ADAM28: variants seen among roughly 807,000 people sequenced by gnomAD.
ADAM28 encodes the protein ADAM metallopeptidase domain 28, also known as disintegrin and metalloproteinase domain-containing protein 28.
A neutral mutation model predicts 101.2 loss-of-function variants in ADAM28; 105 were observed. The observed-to-expected ratio is 1.04, with a 90% CI of 0.89 to 1.22. ADAM28 has a LOEUF of 1.22. ADAM28 is among the 50% of genes most tolerant of loss of function. ADAM28 has a pLI of 0.00. For synonymous variants in ADAM28, 322 were observed against 310.6 expected, an observed-to-expected ratio of 1.04 and a Z score of -0.39; for missense variants, 1,028 against 945.4, an observed-to-expected ratio of 1.09 and a Z score of -1.15.
chr8:24,354,226 C>G (rs6557730), intron 22 of ADAM28, among the ~76,000 whole-genome samples, 158 bp from the exon 23 acceptor site: 9 of 151,996 alleles, frequency 5.9e-5, no homozygotes, highest in Admixed American at 2.6e-4. Context: ...CCTTCCTATC[C>G]TCTCACATTT....
intron 3 of ADAM28, 27 bp from the exon 4 acceptor site, chr8:24,310,136 A>C: frequency 6.2e-7 from 1 of 1,609,362 alleles, no homozygotes; most frequent in Non-Finnish European, 8.5e-7. Flanking sequence ...ACAAGTAACC[A>C]CAACATTTTT....
At chr8:24,353,967 G>T in intron 22 of ADAM28, 135 bp downstream of exon 22, 1 of 568,178 alleles carries the variant, frequency 1.8e-6, no homozygotes, top group Non-Finnish European at 3.1e-6. Flanking sequence ...GTGCCAACAT[G>T]AAAGTCTTAT....
chr8:24,329,406 T>C (rs117965513), intron 10 of ADAM28, among the ~76,000 whole-genome samples: 25 of 152,310 alleles, frequency 1.6e-4, no homozygotes, highest in Non-Finnish European at 3.2e-4. Context: ...CTGGATAATT[T>C]ATAGCTGCAA....
chr8:24,343,868 TAGC>T (rs1815091355), intron 18 of ADAM28, among the ~76,000 whole-genome samples: 1 of 152,226 alleles, frequency 6.6e-6, no homozygotes, highest in African/African-American at 2.4e-5. Flanking sequence ...TCCATTTTCA[TAGC>T]AGCCTCAAGT....
At chr8:24,352,600 AG>A (rs1417497632) in intron 21 of ADAM28, among the ~76,000 whole-genome samples, 1 of 152,184 alleles carries the variant, frequency 6.6e-6, no homozygotes, top group Non-Finnish European at 1.5e-5. Flanking sequence ...TCTGGGGATT[AG>A]GGTTTCAACA....
At chr8:24,294,839 A>G (rs1423302612) in intron 1 of ADAM28, among the ~76,000 whole-genome samples, 1 of 152,210 alleles carries the variant, frequency 6.6e-6, no homozygotes, top group Non-Finnish European at 1.5e-5. Context: ...CTACTTCCTA[A>G]CAGGAAATTA....
At chr8:24,342,974 C>T (rs1336159752) in intron 16 of ADAM28, 127 bp from the exon 17 acceptor site, 1 of 1,480,948 alleles carries the variant, frequency 6.8e-7, no homozygotes, top group East Asian at 2.4e-5. Context: ...CTCTGTTTCC[C>T]TTCTTCTACA....
rs1816570991 is a variant in ADAM28 at position 24,354,869 on chromosome 8, T to G, written c.*465T>G. 6.5e-6 allele frequency: 1 copy of G among 152,978 alleles called. No individual in the cohort carries two copies. Among genetic ancestry groups the G allele is most frequent in the Non-Finnish European group, 1.5e-5 (1 of 68,374 alleles). 9.5% of individuals were successfully genotyped at this position (152,978 alleles called of 1,614,324 possible). A position where few individuals can be genotyped will look rare whatever the true frequency, so the allele number is the denominator to read the frequency against. On this transcript the variant is annotated 3_prime_UTR_variant, in exon 23 of 23. Coordinates refer to ENST00000265769, the MANE Select transcript of ADAM28 (RefSeq NM_014265.6). Reference sequence around the variant, plus strand: ...GTAAAATTCTGTTTTGTGGATCTCTTTCCTAGATTAGCTTCTGAAATCATT... The same window carrying G: ...GTAAAATTCTGTTTTGTGGATCTCTGTCCTAGATTAGCTTCTGAAATCATT...
intron 1 of ADAM28, chr8:24,296,217 A>G (rs1259163815): frequency 2.0e-5 from 3 of 152,230 alleles, no homozygotes; most frequent in Non-Finnish European, 4.4e-5. Flanking sequence ...TCAAACTACC[A>G]GTTCTTCCTT....
At chr8:24,295,819 T>C (rs1361423215) in intron 1 of ADAM28, 1 of 152,266 alleles carries the variant, frequency 6.6e-6, no homozygotes, top group Non-Finnish European at 1.5e-5. Flanking sequence ...ATCCCTGTTA[T>C]GATTCCCATT....
Position 24,354,535 on chromosome 8 carries a change from T to G in ADAM28, c.*131T>G. On this transcript the variant is annotated 3_prime_UTR_variant, in exon 23 of 23. Coordinates refer to ENST00000265769, the MANE Select transcript of ADAM28 (RefSeq NM_014265.6). ...CTCAAGAAGGTTAACATTTTCTGAT[T>G]CATGTTAGACTTTGAAGAGACTAAA... is the stretch of plus-strand genomic sequence containing the variant. 8.8e-7 allele frequency: 1 copy of G among 1,131,280 alleles called. No individual in the cohort carries two copies. The highest frequency in any genetic ancestry group is 1.2e-6 in the Non-Finnish European group (1 of 819,348). The allele number at this position is 1,131,280 out of a possible 1,614,324, so 70.1% of individuals were successfully genotyped here.
At chr8:24,336,384 C>G (rs1041514664) in intron 14 of ADAM28, among the ~76,000 whole-genome samples, 20 of 151,348 alleles carry the variant, frequency 1.3e-4, no homozygotes, top group African/African-American at 4.6e-4. Flanking sequence ...GAGATCAAGA[C>G]CATCCTGGCT....
intron 13 of ADAM28, among the ~76,000 whole-genome samples, chr8:24,334,067 G>A (rs1323130154): frequency 2.0e-5 from 3 of 152,178 alleles, no homozygotes; most frequent in Admixed American, 2.0e-4. Flanking sequence ...GTAAATTTGA[G>A]AACTTAAGCA....
chr8:24,336,006 G>A (rs1196748448), intron 14 of ADAM28: 6 of 1,019,390 alleles, frequency 5.9e-6, no homozygotes, highest in Non-Finnish European at 1.2e-6. Flanking sequence ...ACCCTACTAA[G>A]ATCATAAACC....
intron 6 of ADAM28, among the ~76,000 whole-genome samples, chr8:24,317,851 A>T (rs758857490): frequency 6.6e-6 from 1 of 152,000 alleles, no homozygotes; most frequent in Non-Finnish European, 1.5e-5. Context: ...GTCTAAGGAT[A>T]CCAAGTAGCC....
At chr8:24,343,770 A>C (rs1289409866) in intron 18 of ADAM28, among the ~76,000 whole-genome samples, 186 bp downstream of exon 18, 1 of 152,056 alleles carries the variant, frequency 6.6e-6, no homozygotes, top group Non-Finnish European at 1.5e-5. Context: ...CCGTGTCTTC[A>C]TTTTCACTGC....
Position 24,356,735 on chromosome 8 carries a change from T to C in ADAM28, c.*2331T>C, listed in dbSNP as rs1816712131. The C allele has an allele frequency of 6.6e-6, 1 of 152,178 alleles. No homozygotes were observed. Among genetic ancestry groups the C allele is most frequent in the Admixed American group, 6.6e-5 (1 of 15,262 alleles). The allele number at this position is 152,178 out of a possible 1,614,324, so 9.4% of individuals were successfully genotyped here. A position where few individuals can be genotyped will look rare whatever the true frequency, so the allele number is the denominator to read the frequency against. ...AGATATGCCACCAAACCTGTTTTCA[T>C]CATTAGTTATTTTTACCTTGTCTAC... On this transcript the variant is annotated 3_prime_UTR_variant, in exon 23 of 23. Coordinates refer to ENST00000265769, the MANE Select transcript of ADAM28 (RefSeq NM_014265.6).
rs149155888 is a variant in ADAM28, at chr8:24,352,086, G to A, written c.2244+34G>A. The A allele has an allele frequency of 9.5e-6, 15 of 1,584,568 alleles. No homozygotes were observed. In the Admixed American group the frequency reaches 2.0e-4, roughly 21 times the overall value. Reference sequence around the variant, plus strand: ...GCAACTTCTCTTAAATACCACCCTAGTTCAATCTCCAGGAAATATCGGTGA... The same window carrying A: ...GCAACTTCTCTTAAATACCACCCTAATTCAATCTCCAGGAAATATCGGTGA... On this transcript the variant is annotated intron_variant, in intron 21 of 22. Transcript: ENST00000265769.
At chr8:24,353,935 T>C (rs1363510796) in intron 22 of ADAM28, 103 bp downstream of exon 22, 1 of 743,358 alleles carries the variant, frequency 1.3e-6, no homozygotes, top group Non-Finnish European at 2.2e-6. Flanking sequence ...CTAAGAACAG[T>C]ATCTGTATGA....
Sources: gnomAD v4.1 joint callset for allele counts (sites outside exome capture counted in the v4.1 genomes callset) on GRCh38, gnomAD v4.1.1 for gene constraint, MANE v1.5 for transcripts, NCBI Gene and HGNC (gene_info 2026-07-23, HGNC 2026-07-21) for gene names.